The following KLRF1 variants were observed in gnomAD, a reference collection of about 807,000 sequenced individuals.
KLRF1 encodes the protein killer cell lectin-like receptor subfamily F member 1.
In KLRF1, 27 loss-of-function variants were observed where a neutral mutation model predicts 30.7. The observed-to-expected ratio is 0.88, with a 90% CI of 0.65 to 1.21. The LOEUF is 1.21. Among genes scored for constraint, KLRF1 ranks in the 50% most tolerant of loss-of-function variants. The pLI is 0.00. For synonymous variants in KLRF1, 92 were observed against 89.3 expected, an observed-to-expected ratio of 1.03 and a Z score of -0.17; for missense variants, 246 against 259.3, an observed-to-expected ratio of 0.95 and a Z score of 0.35.
intron 5 of KLRF1, 91 bp from the exon 6 acceptor site, chr12:9,844,327 C>CT (rs1198458979): frequency 3.0e-6 from 2 of 675,002 alleles, no homozygotes; most frequent in Admixed American, 2.8e-5. Flanking sequence ...TTTTGAATTA[C>CT]TTTTTTATTT....
chr12:9,822,301 A>G, the KLRF1 span, among the ~76,000 whole-genome samples: 1 of 152,270 alleles, frequency 6.6e-6, no homozygotes, highest in African/African-American at 2.4e-5. Context: ...GACAGACAGA[A>G]TAACCACTAT....
the KLRF1 span, among the ~76,000 whole-genome samples, chr12:9,814,881 T>C: frequency 1.6e-4 from 25 of 151,850 alleles, no homozygotes; most frequent in Non-Finnish European, 1.5e-5. Flanking sequence ...GGGGGAGGTA[T>C]GCAAACATAC....
At chr12:9,828,969 T>C (rs555684276) in intron 1 of KLRF1, among the ~76,000 whole-genome samples, 2 of 152,236 alleles carry the variant, frequency 1.3e-5, no homozygotes, top group Non-Finnish European at 2.9e-5. Context: ...CTAATATTTA[T>C]GTCTTGTACC....
At chr12:9,842,980 C>A (rs766110961) in intron 5 of KLRF1, among the ~76,000 whole-genome samples, 1 of 152,166 alleles carries the variant, frequency 6.6e-6, no homozygotes, top group East Asian at 1.9e-4. Context: ...AGATAATGGT[C>A]CCCAAAGATG....
Position 9,827,514 on chromosome 12 carries a change from C to G in KLRF1, c.-31C>G. Reference sequence around the variant, plus strand: ...TTATACTTAATAAAACAAAACATACCTGTATACACACACATTCACTCACAT... The same window carrying G: ...TTATACTTAATAAAACAAAACATACGTGTATACACACACATTCACTCACAT... On this transcript the variant is annotated 5_prime_UTR_variant, in exon 1 of 6. Transcript: ENST00000617889. 1 of 1,254,394 alleles carries G rather than the reference C, an allele frequency of 8.0e-7. No homozygotes were observed. The highest frequency in any genetic ancestry group is 1.2e-6 in the Non-Finnish European group (1 of 868,956). 77.7% of individuals were successfully genotyped at this position (1,254,394 alleles called of 1,614,324 possible).
Position 9,842,423 on chromosome 12 carries a change from G to A in KLRF1, c.577G>A (p.Asp193Asn), listed in dbSNP as rs1383067333. ...TWTWVDGSPI[D>N]SKIFFIKGPA... ...GACTTGGGTGGATGGTTCTCCAATA[G>A]ATTCAAAGATGTGAGTCTTTCTTAA... The change falls in exon 5 of 6, where the codon GAT (aspartate) becomes AAT (asparagine). Residue 193 changes from aspartate to asparagine, a missense_variant. Transcript: ENST00000617889. 4 of 1,611,622 alleles carry A rather than the reference G, an allele frequency of 2.5e-6. No homozygotes were observed. The highest frequency in any genetic ancestry group is 1.7e-4 in the Middle Eastern group (1 of 6,042).
At chr12:9,824,106 C>T (rs1349830042), upstream of KLRF1, among the ~76,000 whole-genome samples, 1 of 152,110 alleles carries the variant, frequency 6.6e-6, no homozygotes, top group Non-Finnish European at 1.5e-5. Context: ...AAGGACTCCT[C>T]CCTAACTCAT....
chr12:9,811,885 G>C, the KLRF1 span, among the ~76,000 whole-genome samples: 1 of 152,134 alleles, frequency 6.6e-6, no homozygotes, highest in East Asian at 1.9e-4. Context: ...TAGTGCATTG[G>C]GTAAGCAGAT....
rs373947558 is a variant in KLRF1 at position 9,832,345 on chromosome 12, A to T, written c.115A>T (p.Ile39Phe). The change falls in exon 2 of 6, where the codon ATC becomes TTC. Residue 39 changes from isoleucine to phenylalanine, a missense_variant. Coordinates refer to ENST00000617889, the MANE Select transcript of KLRF1 (RefSeq NM_016523.3). ...TTCAGTGACGTTGCACTGGTATAAA[A>T]TCTTACTGGGAATATCTGGAACCGT... ...DYSVTLHWYK[I>F]LLGISGTVNG... The T allele has an allele frequency of 3.9e-5, 62 of 1,608,220 alleles. No homozygotes were observed. The highest frequency in any genetic ancestry group is 4.9e-5 in the Non-Finnish European group (58 of 1,175,338).
upstream of KLRF1, among the ~76,000 whole-genome samples, chr12:9,826,350 G>A (rs768758808): frequency 6.6e-5 from 10 of 152,042 alleles, no homozygotes; most frequent in African/African-American, 1.7e-4. Flanking sequence ...CATACCAGTC[G>A]AATGGCTATT....
chr12:9,803,109 A>G, the KLRF1 span, among the ~76,000 whole-genome samples: 1 of 152,174 alleles, frequency 6.6e-6, no homozygotes, highest in Non-Finnish European at 1.5e-5. Flanking sequence ...GTACCAAAGC[A>G]GACACATAGA....
chr12:9,826,666 T>C (rs373433205), upstream of KLRF1, among the ~76,000 whole-genome samples: 2 of 152,220 alleles, frequency 1.3e-5, no homozygotes, highest in African/African-American at 4.8e-5. Context: ...GTGATACACA[T>C]ATACAAAGGA....
chr12:9,820,368 G>A, the KLRF1 span, among the ~76,000 whole-genome samples: 14 of 152,338 alleles, frequency 9.2e-5, no homozygotes, highest in East Asian at 9.6e-4. Context: ...CCTTGATCCC[G>A]TATCTCCTCG....
chr12:9,843,356 G>C (rs1400695124), intron 5 of KLRF1, among the ~76,000 whole-genome samples: 1 of 152,132 alleles, frequency 6.6e-6, no homozygotes, highest in Non-Finnish European at 1.5e-5. Context: ...AATTAGCCTT[G>C]TTTTAGGCCA....
At chr12:9,808,605 G>GTTTC in the KLRF1 span, among the ~76,000 whole-genome samples, 1 of 152,122 alleles carries the variant, frequency 6.6e-6, no homozygotes, top group Non-Finnish European at 1.5e-5. Flanking sequence ...GCTAACAGTA[G>GTTTC]TTTCTCCATG....
chr12:9,832,596 G>A (rs1428597627), intron 2 of KLRF1, among the ~76,000 whole-genome samples, 182 bp downstream of exon 2: 1 of 151,812 alleles, frequency 6.6e-6, no homozygotes, highest in Non-Finnish European at 1.5e-5. Context: ...GTCAAATCAG[G>A]TAAGTATCTT....
the KLRF1 span, among the ~76,000 whole-genome samples, chr12:9,816,878 C>T: frequency 6.6e-6 from 1 of 151,976 alleles, no homozygotes; most frequent in Non-Finnish European, 1.5e-5. Context: ...GGCCCAACAC[C>T]ATGCCCGGCT....
Position 9,830,571 on chromosome 12 carries a change from A to G in KLRF1, c.86-1745A>G, listed in dbSNP as rs781707151. Among the ~76,000 whole-genome samples, 3 of 152,186 alleles carry G rather than the reference A, an allele frequency of 2.0e-5. No individual in the cohort carries two copies. In the South Asian group the frequency reaches 6.2e-4, roughly 32 times the overall value. ...AAACTATTATGTTGAACAAGTATCTATTAATTTCTGTTTTTTAACATAAAG... is the reference window on the plus strand; with the variant it reads ...AAACTATTATGTTGAACAAGTATCTGTTAATTTCTGTTTTTTAACATAAAG... On this transcript the variant is annotated intron_variant, in intron 1 of 5. Transcript: ENST00000617889.
At chr12:9,814,657 A>T in the KLRF1 span, among the ~76,000 whole-genome samples, 1 of 152,218 alleles carries the variant, frequency 6.6e-6, no homozygotes, top group Non-Finnish European at 1.5e-5. Flanking sequence ...GGACCCGCAA[A>T]GCCTGGTACG....
Sources: allele counts gnomAD v4.1 joint callset (sites outside exome capture counted in the v4.1 genomes callset), GRCh38; gene constraint gnomAD v4.1.1; transcripts MANE v1.5; gene names NCBI Gene and HGNC (gene_info 2026-07-23, HGNC 2026-07-21).